Variants in PKD1L1 observed in about 807,000 individuals in gnomAD.
PKD1L1 encodes the protein polycystin 1 like 1, transient receptor potential channel interacting, also known as polycystin-1-like protein 1.
Under a neutral mutation model 323.4 loss-of-function variants are expected in PKD1L1, and 236 were observed. The observed-to-expected ratio is 0.73, with a 90% confidence interval of 0.66 to 0.81. The LOEUF is 0.81. Among genes scored for constraint, PKD1L1 ranks in the 40% least tolerant of loss-of-function variants. The probability of loss-of-function intolerance (pLI) is 0.00; values close to 1 mark genes in which losing one functional copy is unlikely to be tolerated. For missense variants in PKD1L1, 3,320 were observed against 3,508.0 expected, an observed-to-expected ratio of 0.95 and a Z score of 1.35; for synonymous variants, 1,344 against 1,335.0, an observed-to-expected ratio of 1.01 and a Z score of -0.15.
At chr7:47,815,192 C>A in intron 47 of PKD1L1, 142 bp downstream of exon 47, 1 of 1,081,552 alleles carries the variant, frequency 9.2e-7, no homozygotes. Context: ...TGCTGGGACC[C>A]ACTGGAGAGC....
At chr7:47,896,138 A>G (rs892246705) in intron 14 of PKD1L1, among the ~76,000 whole-genome samples, 7 of 152,048 alleles carry the variant, frequency 4.6e-5, no homozygotes. Context: ...GGAGTTCGAG[A>G]GCAGCCTGTG....
rs17131912 is a variant in PKD1L1, at chr7:47,893,635, C to T, written c.2453+243G>A. ...AACCAAGAATTTAACAATGGTGACA[C>T]TCAAGCCTCATGTTCCAAAACAGAT... On this transcript the variant is annotated intron_variant, in intron 15 of 56. Transcript: ENST00000289672. 0.017 allele frequency among the ~76,000 whole-genome samples: 2,547 copies of T among 152,296 alleles called. 77 individuals carry two copies. Among genetic ancestry groups the T allele is most frequent in the African/African-American group, 0.057 (2,386 of 41,534 alleles).
Position 47,932,178 on chromosome 7 carries a change from A to G in PKD1L1, c.399-122T>C, listed in dbSNP as rs1247834076. 5 of 1,425,678 alleles carry G rather than the reference A, an allele frequency of 3.5e-6. No individual in the cohort carries two copies. In the East Asian group the frequency reaches 1.2e-4, roughly 33 times the overall value. The allele number at this position is 1,425,678 out of a possible 1,614,324, so 88.3% of individuals were successfully genotyped here. A position where few individuals can be genotyped will look rare whatever the true frequency, so the allele number is the denominator to read the frequency against. ...CTTTGCTGGAAATTCCCTTGCTGTG[A>G]TTGCAGGCTCATTCCTGGGAGTCAG... On this transcript the variant is annotated intron_variant, in intron 4 of 56. Transcript: ENST00000289672.
rs371126520 is a variant in PKD1L1 at position 47,902,518 on chromosome 7, C to A, written c.1932-7G>T. On this transcript the variant is annotated splice_polypyrimidine_tract_variant and splice_region_variant and intron_variant, in intron 12 of 56. Transcript: ENST00000289672. ...CACTGTAAATTCTCCTTCCCTGGGA[C>A]GGTGGAAAGCACAGAAATGAACAAA... 1 of 1,613,042 alleles carries A rather than the reference C, an allele frequency of 6.2e-7. No individual in the cohort carries two copies. Among genetic ancestry groups the A allele is most frequent in the African/African-American group, 1.3e-5 (1 of 74,854 alleles).
intron 7 of PKD1L1, among the ~76,000 whole-genome samples, chr7:47,926,427 T>C (rs533976132): frequency 7.2e-5 from 11 of 152,320 alleles, no homozygotes; most frequent in African/African-American, 2.6e-4. Flanking sequence ...GATGTATTGA[T>C]TGATATCTTA....
intron 15 of PKD1L1, among the ~76,000 whole-genome samples, chr7:47,892,220 G>A (rs1026869359): frequency 1.3e-5 from 2 of 152,180 alleles, no homozygotes; most frequent in Admixed American, 6.5e-5. Flanking sequence ...GGGCCCCACT[G>A]GGAAGGTGAT....
At chr7:47,865,420 T>C in intron 25 of PKD1L1, 148 bp from the exon 26 acceptor site, 1 of 659,416 alleles carries the variant, frequency 1.5e-6, no homozygotes, top group Non-Finnish European at 2.6e-6. Flanking sequence ...CCAGACCTTC[T>C]GTACAGAGAC....
chr7:47,900,192 T>C (rs936068145), intron 13 of PKD1L1, among the ~76,000 whole-genome samples: 9 of 152,190 alleles, frequency 5.9e-5, no homozygotes, highest in Admixed American at 5.2e-4. Context: ...ATTTTAATAC[T>C]AGGATGCCAA....
At chr7:47,810,758 A>T (rs577581509) in intron 50 of PKD1L1, among the ~76,000 whole-genome samples, 1 of 152,296 alleles carries the variant, frequency 6.6e-6, no homozygotes, top group East Asian at 1.9e-4. Flanking sequence ...ACTCAGAGTG[A>T]CTTCTGGTGT....
intron 3 of PKD1L1, 98 bp downstream of exon 3, chr7:47,940,095 T>C (rs993761298): frequency 1.4e-5 from 20 of 1,479,322 alleles, no homozygotes; most frequent in Non-Finnish European, 1.9e-5. Flanking sequence ...AAACAATCCC[T>C]GATGAATTCC....
At chr7:47,959,778 C>T in the PKD1L1 span, among the ~76,000 whole-genome samples, 6 of 147,732 alleles carry the variant, frequency 4.1e-5, no homozygotes, top group African/African-American at 1.2e-4. Flanking sequence ...GCCAGCCGCC[C>T]CGTCCGGGAG....
intron 27 of PKD1L1, among the ~76,000 whole-genome samples, chr7:47,858,225 G>A (rs953940796): frequency 2.0e-5 from 3 of 152,030 alleles, no homozygotes; most frequent in Non-Finnish European, 4.4e-5. Flanking sequence ...AAAAAGTCTC[G>A]GAGACAATTT....
intron 9 of PKD1L1, among the ~76,000 whole-genome samples, chr7:47,907,453 C>A (rs964019017): frequency 2.6e-5 from 4 of 152,176 alleles, no homozygotes; most frequent in African/African-American, 9.7e-5. Context: ...AGCTTCCGGT[C>A]CCTCCCTCTA....
intron 34 of PKD1L1, among the ~76,000 whole-genome samples, chr7:47,842,386 G>C (rs1209903737): frequency 2.6e-5 from 4 of 152,020 alleles, no homozygotes; most frequent in Non-Finnish European, 4.4e-5. Flanking sequence ...GGTTCCCTCG[G>C]GAAATGGAAG....
chr7:47,892,090 G>A, intron 15 of PKD1L1, among the ~76,000 whole-genome samples: 1 of 152,166 alleles, frequency 6.6e-6, no homozygotes, highest in South Asian at 2.1e-4. Context: ...TCAAATAAGA[G>A]CCCTGCCCTC....
intron 7 of PKD1L1, among the ~76,000 whole-genome samples, chr7:47,924,733 A>T (rs1197980563): frequency 6.6e-6 from 1 of 152,226 alleles, no homozygotes; most frequent in Admixed American, 6.5e-5. Context: ...ACAGTAAGCA[A>T]GAAAAATATT....
intron 33 of PKD1L1, 141 bp downstream of exon 33, chr7:47,844,850 TTATC>T (rs1374081053): frequency 9.7e-6 from 5 of 517,876 alleles, no homozygotes; most frequent in Non-Finnish European, 1.7e-5. Context: ...TTAAAGATAA[TTATC>T]TACTAATATG....
In PKD1L1 at chr7:47,814,748, G is replaced by A. The variant is rs149996131; in HGVS notation, c.7089+586C>T. Among the ~76,000 whole-genome samples the A allele has an allele frequency of 6.8e-3, 1,029 of 152,250 alleles. 7 individuals carry two copies. Among genetic ancestry groups the A allele is most frequent in the African/African-American group, 0.023 (949 of 41,538 alleles). ...AGGCTGGTCTCGAACTCCTGACCTCGTGATCCACCTGCCTCAGCTTCCCAA... is the reference window on the plus strand; with the variant it reads ...AGGCTGGTCTCGAACTCCTGACCTCATGATCCACCTGCCTCAGCTTCCCAA... On this transcript the variant is annotated intron_variant, in intron 47 of 56. Transcript: ENST00000289672.
chr7:47,905,794 C>G (rs779519445), intron 10 of PKD1L1, 49 bp downstream of exon 10: 6 of 1,604,260 alleles, frequency 3.7e-6, no homozygotes, highest in Non-Finnish European at 3.4e-6. Context: ...TCTCAGCTGA[C>G]TGCGCGAGGG....
Sources: allele counts gnomAD v4.1 joint callset (sites outside exome capture counted in the v4.1 genomes callset), GRCh38; gene constraint gnomAD v4.1.1; transcripts MANE v1.5; gene names NCBI Gene and HGNC (gene_info 2026-07-23, HGNC 2026-07-21).